MTERF4: variants seen among roughly 807,000 people sequenced by gnomAD.
The protein encoded by MTERF4 is mitochondrial transcription termination factor 4, also known as transcription termination factor 4, mitochondrial.
Under a neutral mutation model 22.5 loss-of-function variants are expected in MTERF4, and 17 were observed. That is an observed-to-expected ratio of 0.75 (90% CI 0.52 to 1.13). The LOEUF is 1.13. MTERF4 is among the 50% of genes most tolerant of loss of function. The pLI is 0.00. For synonymous variants in MTERF4, 165 were observed against 175.3 expected (o/e 0.94, Z 0.47); for missense variants, 420 against 466.8 (o/e 0.90, Z 0.92).
the MTERF4 span, chr2:241,052,155 T>C: frequency 1.2e-6 from 2 of 1,610,176 alleles, no homozygotes; most frequent in Non-Finnish European, 1.7e-6. Context: ...CACTGCGAGA[T>C]AGGTAAGGTG....
the MTERF4 span, among the ~76,000 whole-genome samples, chr2:241,055,334 T>C: frequency 1.3e-5 from 2 of 151,944 alleles, no homozygotes; most frequent in African/African-American, 2.4e-5. Context: ...TATAGTAAAA[T>C]ACGAGAATAT....
chr2:241,056,790 C>G, the MTERF4 span, among the ~76,000 whole-genome samples: 1 of 150,984 alleles, frequency 6.6e-6, no homozygotes, highest in Non-Finnish European at 1.5e-5. Flanking sequence ...ACCGTGTTAG[C>G]CAGGATGGTC....
downstream of MTERF4, chr2:241,070,258 T>C: frequency 6.6e-7 from 1 of 1,514,816 alleles, no homozygotes; most frequent in Non-Finnish European, 8.8e-7. Context: ...CCCTCCACCC[T>C]GTTCAGGACT....
chr2:241,062,861 G>A, the MTERF4 span: 1 of 1,610,896 alleles, frequency 6.2e-7, no homozygotes. Flanking sequence ...CTGGGTACCT[G>A]TGCCTCTGCA....
chr2:241,065,594 G>A, the MTERF4 span: 37 of 1,610,914 alleles, frequency 2.3e-5, no homozygotes, highest in Middle Eastern at 3.6e-4. Flanking sequence ...TGGCCCGCAC[G>A]CGTGAGTGTC....
downstream of MTERF4, chr2:241,095,443 T>C (rs1388484850): frequency 1.3e-5 from 2 of 153,298 alleles, no homozygotes; most frequent in East Asian, 3.8e-4. Context: ...AATTAACTTC[T>C]TTTACTCTGC....
downstream of MTERF4, among the ~76,000 whole-genome samples, chr2:241,067,456 G>A (rs1165075099): frequency 2.0e-5 from 3 of 152,214 alleles, no homozygotes; most frequent in African/African-American, 7.2e-5. Context: ...AGGGACTCCG[G>A]CCCATCCCCT....
chr2:241,087,216 A>G, downstream of MTERF4: 1 of 595,796 alleles, frequency 1.7e-6, no homozygotes, highest in Non-Finnish European at 3.0e-6. Context: ...TACAAATCAC[A>G]TGACCTTTAT....
At chr2:241,072,886 A>T (rs1328882784) in exon 5 of MTERF4, 1 of 277,132 alleles carries the variant, frequency 3.6e-6, no homozygotes, top group Non-Finnish European at 6.8e-6. Flanking sequence ...CAGCTCAGAA[A>T]GAGCAGGGGG....
chr2:241,049,855 G>A, the MTERF4 span: 3 of 1,613,826 alleles, frequency 1.9e-6, no homozygotes, highest in Non-Finnish European at 8.5e-7. Flanking sequence ...CTGCTTCAAC[G>A]GAGGCTCCTG....
intron 1 of MTERF4, 89 bp downstream of exon 1, chr2:241,102,164 C>T: frequency 1.2e-5 from 19 of 1,533,458 alleles, no homozygotes; most frequent in Non-Finnish European, 1.5e-5. Flanking sequence ...CACGACCTGG[C>T]CGTGAAACAC....
At chr2:241,062,143 A>T in the MTERF4 span, among the ~76,000 whole-genome samples, 7 of 152,338 alleles carry the variant, frequency 4.6e-5, no homozygotes, top group East Asian at 9.6e-4. Context: ...TTTTAATTAC[A>T]TATTTTACTG....
At chr2:241,064,732 C>T in the MTERF4 span, 28 of 713,980 alleles carry the variant, frequency 3.9e-5, no homozygotes, top group Middle Eastern at 2.5e-4. This position sits in a 1 kb window ranked among gnomAD's most constrained non-coding sequence, Gnocchi z 7.0. Flanking sequence ...CTGTGCCCCC[C>T]GCCCCTCCAC....
chr2:241,051,632 T>C, the MTERF4 span: 1 of 858,062 alleles, frequency 1.2e-6, no homozygotes, highest in Non-Finnish European at 1.7e-6. The surrounding 1 kb of genome is among the most constrained non-coding windows in gnomAD (Gnocchi z 4.7). Context: ...CAGGGCTTCG[T>C]CGAGAAGGCC....
Position 241,095,815 on chromosome 2 carries a change from C to T in MTERF4, c.*183G>A. 1 of 1,085,618 alleles carries T rather than the reference C, an allele frequency of 9.2e-7. No individual in the cohort carries two copies. Among genetic ancestry groups the T allele is most frequent in the Non-Finnish European group, 1.3e-6 (1 of 759,342 alleles). 67.2% of individuals were successfully genotyped at this position (1,085,618 alleles called of 1,614,324 possible). On this transcript the variant is annotated 3_prime_UTR_variant, in exon 4 of 4. Coordinates refer to ENST00000391980, the MANE Select transcript of MTERF4 (RefSeq NM_182501.4). ...GTGACAACAGATCAAACATGCATTT[C>T]CTGTTTCCTGTTTGGTTTGATCTGT...
chr2:241,079,113 CAA>C (rs1274280801), intron 4 of MTERF4, among the ~76,000 whole-genome samples: 11 of 72,512 alleles, frequency 1.5e-4, no homozygotes, highest in Admixed American at 3.4e-4. Flanking sequence ...GACTCCATCT[CAA>C]AAAAAAAAAA....
At chr2:241,087,760 A>C (rs2063660079), downstream of MTERF4, 4 of 1,197,440 alleles carry the variant, frequency 3.3e-6, no homozygotes, top group African/African-American at 6.2e-5. Flanking sequence ...TGGGAAGCAC[A>C]GGGTGTTACG....
At position 241,099,081 on chromosome 2, in the gene MTERF4, CTTT is replaced by C. The variant is rs11343341; in HGVS notation, c.520+312_520+314del. 350 of 194,188 alleles carry C rather than the reference CTTT, an allele frequency of 1.8e-3. 1 individual carries two copies. The highest frequency in any genetic ancestry group is 5.3e-3 in the East Asian group (39 of 7,326). The allele number at this position is 194,188 out of a possible 1,614,324, so 12.0% of individuals were successfully genotyped here. On this transcript the variant is annotated intron_variant, in intron 2 of 3. Coordinates refer to ENST00000391980, the MANE Select transcript of MTERF4 (RefSeq NM_182501.4). ...TGGCTCCTGTCACACTATATAAAATCTTTTTTTTTTTTTTTGAGACAGCCTTGC... is the reference window on the plus strand; with the variant it reads ...TGGCTCCTGTCACACTATATAAAATCTTTTTTTTTTTTGAGACAGCCTTGC...
At chr2:241,043,308 C>T in the MTERF4 span, among the ~76,000 whole-genome samples, 3 of 152,076 alleles carry the variant, frequency 2.0e-5, no homozygotes, top group Admixed American at 2.0e-4. Context: ...AAGAATGAAA[C>T]AGACTTCTCG....
Sources: allele counts gnomAD v4.1 joint callset (sites outside exome capture counted in the v4.1 genomes callset), GRCh38; gene constraint gnomAD v4.1.1; non-coding constraint Gnocchi (gnomAD v3.1); transcripts MANE v1.5; gene names NCBI Gene and HGNC (gene_info 2026-07-23, HGNC 2026-07-21).